NAE1: variants seen among roughly 807,000 people sequenced by gnomAD.
NAE1 encodes NEDD8 activating enzyme E1 subunit 1.
In NAE1, 59 loss-of-function variants were observed where a neutral mutation model predicts 88.0. The observed-to-expected ratio is 0.67, with a 90% CI of 0.54 to 0.83. The LOEUF (loss-of-function observed/expected upper bound fraction) is 0.83, where lower values mean the gene tolerates loss of function less well. Among genes scored for constraint, NAE1 ranks in the 40% least tolerant of loss-of-function variants. The probability of loss-of-function intolerance (pLI) is 0.00; values close to 1 mark genes in which losing one functional copy is unlikely to be tolerated. For missense variants in NAE1, 554 were observed against 632.8 expected, an observed-to-expected ratio of 0.88 and a Z score of 1.34; for synonymous variants, 186 against 208.9, an observed-to-expected ratio of 0.89 and a Z score of 0.95.
chr16:66,811,300 G>C (rs1959789420), intron 13 of NAE1, among the ~76,000 whole-genome samples: 1 of 152,060 alleles, frequency 6.6e-6, no homozygotes, highest in African/African-American at 2.4e-5. Context: ...TGGGAATTCA[G>C]GCACACGCTA....
intron 13 of NAE1, among the ~76,000 whole-genome samples, chr16:66,812,892 C>A (rs1959872455): frequency 6.9e-6 from 1 of 145,274 alleles, no homozygotes; most frequent in Non-Finnish European, 1.5e-5. Context: ...GTGCGATCTC[C>A]GCTCACTGCA....
chr16:66,812,759 T>C (rs1050507531), intron 13 of NAE1, among the ~76,000 whole-genome samples: 1 of 151,808 alleles, frequency 6.6e-6, no homozygotes, highest in Admixed American at 6.6e-5. Context: ...GACCTTGTGA[T>C]CCACCCGTCT....
At chr16:66,812,950 G>T (rs566963603) in intron 13 of NAE1, among the ~76,000 whole-genome samples, 92 of 151,142 alleles carry the variant, frequency 6.1e-4, no homozygotes, top group Non-Finnish European at 9.0e-4. Context: ...AGCCTCCCGG[G>T]TAGCTGGGAC....
At chr16:66,818,482 A>T (rs1427957338) in intron 8 of NAE1, 46 bp downstream of exon 8, 1 of 1,459,822 alleles carries the variant, frequency 6.9e-7, no homozygotes, top group African/African-American at 1.4e-5. Flanking sequence ...GGTTAAAAAA[A>T]TGTTTTAAGT....
intron 19 of NAE1, among the ~76,000 whole-genome samples, chr16:66,804,701 A>C (rs1195156547): frequency 6.6e-6 from 1 of 152,054 alleles, no homozygotes; most frequent in Non-Finnish European, 1.5e-5. Context: ...CCTAACCCCC[A>C]GTGTAATTGT....
At chr16:66,826,499 A>G in intron 3 of NAE1, 24 bp downstream of exon 3, 1 of 1,612,386 alleles carries the variant, frequency 6.2e-7, no homozygotes, top group South Asian at 1.1e-5. Flanking sequence ...TAACGTGAAT[A>G]TATTTGAAGA....
Position 66,830,974 on chromosome 16 carries a change from A to C in NAE1, c.-75T>G. The stretch of plus-strand genomic sequence containing the variant: ...ACCAGCTCCACAAGCGCGCAGGCGC[A>C]CTGAGCGCCCCTTCGCCGCTACCGT... On this transcript the variant is annotated 5_prime_UTR_variant, in exon 1 of 20. Transcript: ENST00000290810. 2.2e-6 allele frequency: 3 copies of C among 1,358,480 alleles called. No individual in the cohort carries two copies. The highest frequency in any genetic ancestry group is 2.9e-6 in the Non-Finnish European group (3 of 1,029,528). 84.2% of individuals were successfully genotyped at this position (1,358,480 alleles called of 1,614,324 possible).
chr16:66,820,039 TTCAAC>T (rs1477280673), intron 7 of NAE1, among the ~76,000 whole-genome samples: 2 of 152,196 alleles, frequency 1.3e-5, no homozygotes, highest in African/African-American at 4.8e-5. Context: ...CTCTCCCACT[TTCAAC>T]TCTTTTGTTC....
At chr16:66,812,824 T>TC (rs1491478104) in intron 13 of NAE1, among the ~76,000 whole-genome samples, 32 of 147,926 alleles carry the variant, frequency 2.2e-4, no homozygotes, top group African/African-American at 7.3e-4. Context: ...CGGCCTAAGT[T>TC]CTTTTTTTTT....
chr16:66,810,022 G>C (rs1959725085), intron 15 of NAE1, among the ~76,000 whole-genome samples: 2 of 152,068 alleles, frequency 1.3e-5, no homozygotes, highest in African/African-American at 4.8e-5. Context: ...TATTGTCAAT[G>C]TACATGTGAC....
At chr16:66,827,023 C>T (rs952750350) in intron 1 of NAE1, among the ~76,000 whole-genome samples, 6 of 152,186 alleles carry the variant, frequency 3.9e-5, no homozygotes, top group African/African-American at 1.4e-4. Context: ...GGTCTTCCAG[C>T]CCCTTATCAG....
rs749891818 is a variant in NAE1 at position 66,810,784 on chromosome 16, TA to T, written c.1035-13del. The T allele has an allele frequency of 1.6e-5, 25 of 1,610,412 alleles. No homozygotes were observed. In the East Asian group the frequency reaches 5.3e-4, roughly 34 times the overall value. ...CTTTTTCACGGTAACTAAAAAAGAA[TA>T]AAAAGCAATTACTAACAAATTTTTA... On this transcript the variant is annotated splice_polypyrimidine_tract_variant and intron_variant, in intron 13 of 19. Transcript: ENST00000290810.
chr16:66,820,616 G>A (rs532921443), intron 7 of NAE1, among the ~76,000 whole-genome samples: 1 of 151,842 alleles, frequency 6.6e-6, no homozygotes, highest in African/African-American at 2.4e-5. Flanking sequence ...AAAATTAGCT[G>A]GGCGGCCGGG....
chr16:66,816,942 T>C, intron 10 of NAE1, 23 bp downstream of exon 10: 8 of 1,581,972 alleles, frequency 5.1e-6, no homozygotes, highest in Non-Finnish European at 6.8e-6. Context: ...CTTTATACAG[T>C]ATTTAATCAT....
At chr16:66,808,462 C>G in intron 17 of NAE1, 59 bp downstream of exon 17, 1 of 1,168,516 alleles carries the variant, frequency 8.6e-7, no homozygotes, top group Non-Finnish European at 1.3e-6. Flanking sequence ...AGAACACTTT[C>G]AATTTAAATG....
At chr16:66,825,244 G>A (rs761509992) in intron 3 of NAE1, among the ~76,000 whole-genome samples, 15 of 152,036 alleles carry the variant, frequency 9.9e-5, no homozygotes, top group Admixed American at 6.6e-5. Context: ...TCAGGAGATC[G>A]AGACCATCCT....
intron 15 of NAE1, among the ~76,000 whole-genome samples, chr16:66,809,895 C>T (rs1022765601): frequency 2.0e-5 from 3 of 152,062 alleles, no homozygotes; most frequent in African/African-American, 7.2e-5. Context: ...ATGCTTTTGG[C>T]CTACTGAGGA....
intron 7 of NAE1, among the ~76,000 whole-genome samples, 183 bp from the exon 8 acceptor site, chr16:66,818,820 G>A (rs943683589): frequency 5.9e-5 from 9 of 152,134 alleles, no homozygotes; most frequent in Non-Finnish European, 1.2e-4. Context: ...ACAGTCTCGT[G>A]TCACTGTGCC....
chr16:66,818,861 A>C (rs181198667), intron 7 of NAE1, among the ~76,000 whole-genome samples: 2 of 152,138 alleles, frequency 1.3e-5, no homozygotes, highest in African/African-American at 4.8e-5. Flanking sequence ...ATAGGGTCTC[A>C]CTATGTCACC....
Sources: gnomAD v4.1 joint callset for allele counts (sites outside exome capture counted in the v4.1 genomes callset) on GRCh38, gnomAD v4.1.1 for gene constraint, MANE v1.5 for transcripts, NCBI Gene and HGNC (gene_info 2026-07-23, HGNC 2026-07-21) for gene names.